UBE2E3: variants seen among roughly 807,000 people sequenced by gnomAD.
UBE2E3 encodes the protein ubiquitin-conjugating enzyme E2 E3.
In UBE2E3, 5 loss-of-function variants were observed where a neutral mutation model predicts 23.6. That is an observed-to-expected ratio of 0.21 (90% CI 0.11 to 0.44). The LOEUF (loss-of-function observed/expected upper bound fraction) is 0.44, where lower values mean the gene tolerates loss of function less well. UBE2E3 is among the 20% of genes least tolerant of loss of function. The probability of loss-of-function intolerance (pLI) is 0.99; values close to 1 mark genes in which losing one functional copy is unlikely to be tolerated. For missense variants in UBE2E3, 81 were observed against 249.8 expected (o/e 0.32, Z 4.55); for synonymous variants, 78 against 87.5 (o/e 0.89, Z 0.60).
chr2:180,993,071 C>T (rs958376525), intron 3 of UBE2E3, among the ~76,000 whole-genome samples: 8 of 151,414 alleles, frequency 5.3e-5, no homozygotes, highest in Non-Finnish European at 1.0e-4. Flanking sequence ...ATTGTAAAGC[C>T]TTGGGATTTT....
chr2:180,983,104 TAATGTTTACA>T (rs1684353337), intron 2 of UBE2E3, among the ~76,000 whole-genome samples: 1 of 152,238 alleles, frequency 6.6e-6, no homozygotes, highest in South Asian at 2.1e-4. Context: ...ATAAAATGTA[TAATGTTTACA>T]GCATTAACCA....
intron 3 of UBE2E3, among the ~76,000 whole-genome samples, chr2:181,035,150 T>C (rs889932242): frequency 1.3e-5 from 2 of 152,200 alleles, no homozygotes; most frequent in Admixed American, 6.5e-5. Flanking sequence ...ATAACTGTTT[T>C]GTTTTAATAT....
rs1030884863 is a variant in UBE2E3, at chr2:180,996,123, A to G, written c.245+12030A>G. 2.2e-4 allele frequency among the ~76,000 whole-genome samples: 33 copies of G among 152,164 alleles called. 1 individual carries two copies. The highest frequency in any genetic ancestry group is 1.0e-4 in the Non-Finnish European group (7 of 68,010). On this transcript the variant is annotated intron_variant, in intron 3 of 5. Coordinates refer to ENST00000410062, the MANE Select transcript of UBE2E3 (RefSeq NM_006357.4). ...AATTTCTTAATTTAAAAAAAACTTC[A>G]GCTTAAATTGCTTTGCTCTAGGAAA...
chr2:181,058,038 G>T (rs1687034730), intron 4 of UBE2E3, among the ~76,000 whole-genome samples: 2 of 151,618 alleles, frequency 1.3e-5, no homozygotes, highest in African/African-American at 4.8e-5. Flanking sequence ...ATTCTTAATT[G>T]TAAATAAAAC....
chr2:181,059,628 A>G (rs1245284060), intron 4 of UBE2E3, among the ~76,000 whole-genome samples: 2 of 151,646 alleles, frequency 1.3e-5, no homozygotes, highest in African/African-American at 2.4e-5. Flanking sequence ...ACTCTTTGAA[A>G]TCTGGTATTT....
chr2:181,030,167 T>C (rs1686031113), intron 3 of UBE2E3, among the ~76,000 whole-genome samples: 1 of 151,942 alleles, frequency 6.6e-6, no homozygotes, highest in East Asian at 1.9e-4. Flanking sequence ...TGGTTGTCTT[T>C]GGTGGTGGTG....
rs531598546 is a variant in UBE2E3, at chr2:181,056,514, G to A, written c.246-1179G>A. Among the ~76,000 whole-genome samples, 17 of 151,854 alleles carry A rather than the reference G, an allele frequency of 1.1e-4. No individual in the cohort carries two copies. In the South Asian group the frequency reaches 3.5e-3, roughly 31 times the overall value. ...AAGCAAGAGAGAGAAACCAAGGAAA[G>A]CCACTCTTTTTAACAATGAGTTCTC... is the stretch of plus-strand genomic sequence containing the variant. On this transcript the variant is annotated intron_variant, in intron 3 of 5. Coordinates refer to ENST00000410062, the MANE Select transcript of UBE2E3 (RefSeq NM_006357.4).
Position 180,980,638 on chromosome 2 carries a change from A to C in UBE2E3, c.-361A>C, listed in dbSNP as rs1468302702. 7.1e-6 allele frequency: 1 copy of C among 140,344 alleles called. No individual in the cohort carries two copies. Among genetic ancestry groups the C allele is most frequent in the Non-Finnish European group, 1.6e-5 (1 of 61,842 alleles). 8.7% of individuals were successfully genotyped at this position (140,344 alleles called of 1,614,324 possible). A position where few individuals can be genotyped will look rare whatever the true frequency, so the allele number is the denominator to read the frequency against. On this transcript the variant is annotated 5_prime_UTR_variant, in exon 1 of 6. Coordinates refer to ENST00000410062, the MANE Select transcript of UBE2E3 (RefSeq NM_006357.4). The surrounding 1 kb of genome is among the most constrained non-coding windows in gnomAD (Gnocchi z 5.5). Reference sequence around the variant, plus strand: ...CTGACTGCGCGGCCGGGAGGAGCCGAGCCGGGCGGCGGCGGCGGGAGGCTA... The same window carrying C: ...CTGACTGCGCGGCCGGGAGGAGCCGCGCCGGGCGGCGGCGGCGGGAGGCTA...
intron 3 of UBE2E3, among the ~76,000 whole-genome samples, chr2:181,011,660 C>G (rs888703216): frequency 6.6e-6 from 1 of 152,154 alleles, no homozygotes; most frequent in African/African-American, 2.4e-5. Flanking sequence ...TAATGTCTTT[C>G]TATTCTTTAA....
intron 3 of UBE2E3, among the ~76,000 whole-genome samples, chr2:181,032,722 A>G (rs149773010): frequency 4.1e-4 from 63 of 152,298 alleles, no homozygotes; most frequent in African/African-American, 1.5e-3. Flanking sequence ...ATGCCTCCTT[A>G]TTCCCAACTG....
At chr2:181,014,320 AT>A (rs1685423883) in intron 3 of UBE2E3, among the ~76,000 whole-genome samples, 1 of 152,190 alleles carries the variant, frequency 6.6e-6, no homozygotes, top group African/African-American at 2.4e-5. Context: ...AGTTGGCTAC[AT>A]TTCATTCTGA....
At chr2:180,997,320 TC>T (rs780298133) in intron 3 of UBE2E3, among the ~76,000 whole-genome samples, 2 of 152,126 alleles carry the variant, frequency 1.3e-5, no homozygotes, top group Non-Finnish European at 2.9e-5. Context: ...TTTTCCTCTT[TC>T]ATTTTATTTT....
chr2:181,010,384 T>C (rs995898466), intron 3 of UBE2E3, among the ~76,000 whole-genome samples: 5 of 152,136 alleles, frequency 3.3e-5, no homozygotes, highest in African/African-American at 9.7e-5. Context: ...GTCGTCACTT[T>C]AGCTGGTAAG....
intron 3 of UBE2E3, among the ~76,000 whole-genome samples, chr2:180,987,063 A>G (rs993750030): frequency 1.3e-5 from 2 of 152,146 alleles, no homozygotes; most frequent in Admixed American, 1.3e-4. Context: ...ATAGTGTAAA[A>G]GTTTGATAAT....
intron 3 of UBE2E3, among the ~76,000 whole-genome samples, chr2:181,055,943 A>G (rs1686976580): frequency 1.3e-5 from 2 of 151,706 alleles, no homozygotes; most frequent in South Asian, 2.1e-4. Context: ...GTGCACCAAA[A>G]TGTAACTAAG....
chr2:181,044,264 A>T (rs535044810), intron 3 of UBE2E3, among the ~76,000 whole-genome samples: 24 of 152,290 alleles, frequency 1.6e-4, no homozygotes, highest in African/African-American at 5.8e-4. Flanking sequence ...ATAAGTACTG[A>T]AAAAGTGAAT....
chr2:181,045,102 A>G (rs1686631108), intron 3 of UBE2E3, among the ~76,000 whole-genome samples: 1 of 152,210 alleles, frequency 6.6e-6, no homozygotes, highest in Admixed American at 6.5e-5. Flanking sequence ...AGCATACAGC[A>G]GGAAGAGCTG....
At chr2:181,061,825 A>G (rs1469607088) in intron 5 of UBE2E3, among the ~76,000 whole-genome samples, 1 of 151,350 alleles carries the variant, frequency 6.6e-6, no homozygotes. Context: ...ATAAGTCACT[A>G]AAGACTGTTA....
intron 3 of UBE2E3, chr2:180,987,466 T>C: frequency 6.7e-7 from 1 of 1,494,166 alleles, no homozygotes; most frequent in Non-Finnish European, 9.1e-7. Flanking sequence ...GACGAATATT[T>C]TAAGAGTGTA....
Sources: allele counts gnomAD v4.1 joint callset (sites outside exome capture counted in the v4.1 genomes callset), GRCh38; gene constraint gnomAD v4.1.1; non-coding constraint Gnocchi (gnomAD v3.1); transcripts MANE v1.5; gene names NCBI Gene and HGNC (gene_info 2026-07-23, HGNC 2026-07-21).